DYNC1I1: variants seen among roughly 807,000 people sequenced by gnomAD.
DYNC1I1 encodes the protein cytoplasmic dynein 1 intermediate chain 1.
A neutral mutation model predicts 86.6 loss-of-function variants in DYNC1I1; 43 were observed. The ratio of observed to expected loss-of-function variants is 0.50; its 90% CI spans 0.39 to 0.64. The LOEUF (loss-of-function observed/expected upper bound fraction) is 0.64, where lower values mean the gene tolerates loss of function less well. Ranked by LOEUF, DYNC1I1 falls within the 30% of genes least tolerant of loss-of-function variation. The pLI is 0.00. For synonymous variants in DYNC1I1, 262 were observed against 283.7 expected (o/e 0.92, Z 0.77); for missense variants, 604 against 788.8 (o/e 0.77, Z 2.81).
intron 5 of DYNC1I1, among the ~76,000 whole-genome samples, chr7:95,848,287 G>A (rs770312091): frequency 4.8e-5 from 7 of 146,088 alleles, no homozygotes; most frequent in Non-Finnish European, 7.5e-5. Context: ...TCTGTATACT[G>A]TTATTACCTA....
At chr7:95,869,787 T>C in intron 5 of DYNC1I1, 96 bp from the exon 6 acceptor site, 1 of 1,168,976 alleles carries the variant, frequency 8.6e-7, no homozygotes, top group Non-Finnish European at 1.2e-6. Flanking sequence ...TGAGGGTATT[T>C]GTGGTTTGTT....
intron 6 of DYNC1I1, among the ~76,000 whole-genome samples, chr7:95,883,610 G>A (rs765780515): frequency 6.6e-6 from 1 of 152,164 alleles, no homozygotes; most frequent in Non-Finnish European, 1.5e-5. Context: ...ATGCATAAAT[G>A]TGTTAAATAT....
intron 6 of DYNC1I1, among the ~76,000 whole-genome samples, chr7:95,898,370 G>A (rs1014243690): frequency 1.3e-5 from 2 of 152,056 alleles, no homozygotes; most frequent in African/African-American, 4.8e-5. Context: ...ACAAGACTCT[G>A]ATCTGTCCCT....
intron 6 of DYNC1I1, among the ~76,000 whole-genome samples, chr7:95,974,675 T>G (rs956278787): frequency 6.6e-6 from 1 of 152,114 alleles, no homozygotes; most frequent in Non-Finnish European, 1.5e-5. Flanking sequence ...GCCGGCCAGG[T>G]CTCAAAGCAG....
intron 1 of DYNC1I1, among the ~76,000 whole-genome samples, chr7:95,784,563 A>C (rs917556681): frequency 5.9e-5 from 9 of 152,312 alleles, no homozygotes; most frequent in Middle Eastern, 3.4e-3. Context: ...GTGGGCTGTA[A>C]ACTGGTGAAG....
At chr7:95,865,614 G>T (rs540540221) in intron 5 of DYNC1I1, among the ~76,000 whole-genome samples, 1 of 152,160 alleles carries the variant, frequency 6.6e-6, no homozygotes, top group Non-Finnish European at 1.5e-5. Context: ...GGTCAATGAC[G>T]CACTGTGTAT....
chr7:95,869,958 A>G lies in DYNC1I1; in HGVS notation c.450A>G (p.Ser150=), dbSNP rs1163447727. ...DFLPREVVSY[S]KETQTPLATH... ...TGCCAAGGGAAGTAGTGTCCTACTCAAAGGAGACCCAGACTCCTCTTGCCA... is the reference window on the plus strand; with the variant it reads ...TGCCAAGGGAAGTAGTGTCCTACTCGAAGGAGACCCAGACTCCTCTTGCCA... The change falls in exon 6 of 17, where the codon TCA becomes TCG. Residue 150 remains serine, a synonymous_variant. Transcript: ENST00000447467. The G allele has an allele frequency of 2.5e-6, 4 of 1,613,918 alleles. No homozygotes were observed. The African/African-American group carries it at 5.3e-5, about 22-fold the overall frequency.
chr7:95,847,047 TA>T (rs1327299088), intron 5 of DYNC1I1, among the ~76,000 whole-genome samples: 1 of 152,206 alleles, frequency 6.6e-6, no homozygotes, highest in Non-Finnish European at 1.5e-5. Flanking sequence ...TGCATTTTGT[TA>T]ACCCCAAAGA....
chr7:96,032,804 T>A (rs750505131), intron 12 of DYNC1I1, 24 bp downstream of exon 12: 3 of 1,571,134 alleles, frequency 1.9e-6, no homozygotes, highest in South Asian at 1.1e-5. Flanking sequence ...TCCCTACACA[T>A]AACACCATCC....
chr7:96,058,157 G>T (rs1282816594), intron 14 of DYNC1I1, among the ~76,000 whole-genome samples: 1 of 152,116 alleles, frequency 6.6e-6, no homozygotes, highest in Non-Finnish European at 1.5e-5. Flanking sequence ...TGAAGTAAGG[G>T]CAAATATTGT....
intron 16 of DYNC1I1, among the ~76,000 whole-genome samples, chr7:96,108,816 G>T (rs1179136191): frequency 6.9e-6 from 1 of 145,268 alleles, no homozygotes; most frequent in Admixed American, 7.0e-5. Flanking sequence ...AGCCAAGATC[G>T]CACCACTGCA....
chr7:95,906,294 G>A (rs1791174779), intron 6 of DYNC1I1, among the ~76,000 whole-genome samples: 2 of 152,102 alleles, frequency 1.3e-5, no homozygotes, highest in Admixed American at 6.6e-5. Flanking sequence ...TAATCCCCTT[G>A]AGCTACGGTT....
intron 5 of DYNC1I1, among the ~76,000 whole-genome samples, chr7:95,845,388 A>G (rs1487244596): frequency 6.6e-6 from 1 of 152,230 alleles, no homozygotes; most frequent in Non-Finnish European, 1.5e-5. Context: ...TTTACATTTT[A>G]AAGTTATTGC....
chr7:96,007,965 CG>C (rs1356092033), intron 10 of DYNC1I1, among the ~76,000 whole-genome samples: 3 of 152,126 alleles, frequency 2.0e-5, no homozygotes, highest in African/African-American at 7.2e-5. Context: ...TGTGTTCCTA[CG>C]GTGAAGTAAG....
In DYNC1I1 at chr7:96,039,294, A is replaced by G. The variant is rs549442524; in HGVS notation, c.1382A>G (p.Glu461Gly). The stretch of plus-strand genomic sequence containing the variant: ...TCCTACAGCAAAGCAGGTATTGGTG[A>G]GGTCTTTGAAGGTCACCAAGGGCCA... ...CRHGSKAGIG[E>G]VFEGHQGPVT... The change falls in exon 14 of 17, where the codon GAG (glutamate) becomes GGG (glycine). Residue 461 changes from glutamate (E) to glycine (G), a missense_variant. Transcript: ENST00000447467. 3.1e-6 allele frequency: 5 copies of G among 1,614,000 alleles called. No homozygotes were observed. The South Asian group carries it at 5.5e-5, about 18-fold the overall frequency.
At chr7:95,819,152 A>G (rs1479426642) in intron 4 of DYNC1I1, among the ~76,000 whole-genome samples, 2 of 152,192 alleles carry the variant, frequency 1.3e-5, no homozygotes, top group African/African-American at 4.8e-5. Flanking sequence ...TTAGGCTTTC[A>G]GCTTCATGTG....
intron 11 of DYNC1I1, among the ~76,000 whole-genome samples, chr7:96,030,143 C>T (rs1794772916): frequency 6.6e-6 from 1 of 151,952 alleles, no homozygotes; most frequent in African/African-American, 2.4e-5. Flanking sequence ...AAGAGGCCCA[C>T]CACAGATTAC....
intron 10 of DYNC1I1, among the ~76,000 whole-genome samples, chr7:96,019,751 A>G (rs912443435): frequency 3.9e-5 from 6 of 152,294 alleles, no homozygotes; most frequent in African/African-American, 1.4e-4. Context: ...ATGTGTTACT[A>G]GATCATCAGG....
At position 95,838,568 on chromosome 7, in the gene DYNC1I1, A is replaced by T. The variant is rs550257386; in HGVS notation, c.374+10452A>T. 6.8e-4 allele frequency among the ~76,000 whole-genome samples: 104 copies of T among 152,254 alleles called. 1 individual carries two copies. Among genetic ancestry groups the T allele is most frequent in the African/African-American group, 2.4e-3 (101 of 41,566 alleles). Reference sequence around the variant, plus strand: ...ATTTTAAGATTTTTTTCCTATTTCTATGAAAAATATCATTTAAGTTTTGGT... The same window carrying T: ...ATTTTAAGATTTTTTTCCTATTTCTTTGAAAAATATCATTTAAGTTTTGGT... On this transcript the variant is annotated intron_variant, in intron 5 of 16. Coordinates refer to ENST00000447467, the MANE Select transcript of DYNC1I1 (RefSeq NM_001135556.2).
Sources: gnomAD v4.1 joint callset for allele counts (sites outside exome capture counted in the v4.1 genomes callset) on GRCh38, gnomAD v4.1.1 for gene constraint, MANE v1.5 for transcripts, NCBI Gene and HGNC (gene_info 2026-07-23, HGNC 2026-07-21) for gene names.